The following MAGI2 variants were observed in gnomAD, a reference collection of about 807,000 sequenced individuals.
The protein encoded by MAGI2 is membrane-associated guanylate kinase, WW and PDZ domain-containing protein 2.
MAGI2 carries 35 observed loss-of-function variants against 133.3 expected under a neutral mutation model. The observed-to-expected ratio is 0.26, with a 90% CI of 0.20 to 0.35. The LOEUF (loss-of-function observed/expected upper bound fraction) is 0.35, where lower values mean the gene tolerates loss of function less well. MAGI2 is among the 10% of genes least tolerant of loss of function. The probability of loss-of-function intolerance (pLI) is 1.00; values close to 1 mark genes in which losing one functional copy is unlikely to be tolerated. For synonymous variants in MAGI2, 729 were observed against 710.6 expected (o/e 1.03, Z -0.41); for missense variants, 1,636 against 1,863.4 (o/e 0.88, Z 2.25).
intron 3 of MAGI2, among the ~76,000 whole-genome samples, chr7:78,556,391 C>A (rs1584618752): frequency 6.6e-6 from 1 of 152,150 alleles, no homozygotes; most frequent in East Asian, 1.9e-4. Context: ...CTGTTGGCAC[C>A]AACATGGGCT....
At chr7:78,787,577 A>T (rs911641186) in intron 2 of MAGI2, among the ~76,000 whole-genome samples, 8 of 152,188 alleles carry the variant, frequency 5.3e-5, no homozygotes, top group Non-Finnish European at 7.3e-5. Context: ...CAAGCCAGAT[A>T]AAAAAAGTAT....
intron 9 of MAGI2, among the ~76,000 whole-genome samples, chr7:78,332,025 A>T (rs1431326202): frequency 6.6e-6 from 1 of 152,220 alleles, no homozygotes; most frequent in Non-Finnish European, 1.5e-5. Context: ...CTAGAAAAAA[A>T]TGTGAAGTAG....
At chr7:78,899,716 T>C (rs1343301334) in intron 2 of MAGI2, among the ~76,000 whole-genome samples, 2 of 151,988 alleles carry the variant, frequency 1.3e-5, no homozygotes, top group African/African-American at 4.8e-5. Context: ...TAATCCAGAG[T>C]GGGGCTGAGT....
chr7:78,246,243 C>T (rs557214569), intron 10 of MAGI2, among the ~76,000 whole-genome samples: 1 of 152,292 alleles, frequency 6.6e-6, no homozygotes, highest in East Asian at 1.9e-4. Context: ...GAAACAGTGT[C>T]TTGGCTGTCC....
At chr7:78,672,280 T>TCTTG (rs1366931111) in intron 2 of MAGI2, among the ~76,000 whole-genome samples, 1 of 152,138 alleles carries the variant, frequency 6.6e-6, no homozygotes, top group African/African-American at 2.4e-5. Context: ...CCCCTCTCTC[T>TCTTG]CTTGCTCCCT....
chr7:79,298,181 C>A (rs1837095593), intron 1 of MAGI2, among the ~76,000 whole-genome samples: 2 of 152,108 alleles, frequency 1.3e-5, no homozygotes, highest in South Asian at 2.1e-4. Context: ...AATTACCTGT[C>A]AATTTTTCTT....
chr7:78,659,424 CAAAAAAAAAAAAA>C (rs71085553), intron 2 of MAGI2, among the ~76,000 whole-genome samples: 1 of 23,676 alleles, frequency 4.2e-5, no homozygotes, highest in African/African-American at 1.8e-4. Flanking sequence ...GACTTCATCT[CAAAAAAAAAAAAA>C]AAAAAAAAAA....
intron 16 of MAGI2, among the ~76,000 whole-genome samples, chr7:78,142,663 T>A (rs570396197): frequency 6.6e-6 from 1 of 152,144 alleles, no homozygotes; most frequent in Non-Finnish European, 1.5e-5. Flanking sequence ...TTAAGATAGA[T>A]CACGGTATTT....
intron 2 of MAGI2, chr7:78,939,751 A>G (rs981445407): frequency 1.3e-5 from 2 of 152,144 alleles, no homozygotes; most frequent in African/African-American, 4.8e-5. Context: ...ACAATAATAA[A>G]CAGTATCATG....
At chr7:78,134,499 G>A (rs1358883008) in intron 17 of MAGI2, 1 of 154,098 alleles carries the variant, frequency 6.5e-6, no homozygotes, top group Non-Finnish European at 1.4e-5. Flanking sequence ...GCCTCAGGGG[G>A]GAGTCCTTGT....
At chr7:79,190,052 A>T (rs1242693007) in intron 1 of MAGI2, among the ~76,000 whole-genome samples, 2 of 151,488 alleles carry the variant, frequency 1.3e-5, no homozygotes, top group Admixed American at 6.6e-5. Flanking sequence ...GTGGCTTTAA[A>T]TTTTTTTTGT....
chr7:78,773,049 G>A (rs1825716265), intron 2 of MAGI2, among the ~76,000 whole-genome samples: 1 of 152,106 alleles, frequency 6.6e-6, no homozygotes, highest in Non-Finnish European at 1.5e-5. Flanking sequence ...TTCCTTGAAT[G>A]TGCAAAATGT....
chr7:78,035,973 T>C (rs975745995), intron 21 of MAGI2, among the ~76,000 whole-genome samples: 2 of 152,210 alleles, frequency 1.3e-5, no homozygotes, highest in African/African-American at 4.8e-5. Context: ...GAATACAATG[T>C]GGTGAATATT....
intron 21 of MAGI2, among the ~76,000 whole-genome samples, chr7:78,069,827 T>C (rs577187871): frequency 5.3e-5 from 8 of 152,094 alleles, no homozygotes; most frequent in African/African-American, 1.9e-4. Context: ...GCAGCCCTCT[T>C]GCGGGAGAGC....
intron 2 of MAGI2, among the ~76,000 whole-genome samples, chr7:78,695,309 C>A (rs1397356288): frequency 6.6e-6 from 1 of 152,194 alleles, no homozygotes; most frequent in African/African-American, 2.4e-5. Context: ...ATAATCTTAG[C>A]CTGCCTTCCC....
chr7:78,206,088 A>C (rs1182084728), intron 10 of MAGI2, among the ~76,000 whole-genome samples: 1 of 152,168 alleles, frequency 6.6e-6, no homozygotes, highest in Non-Finnish European at 1.5e-5. Flanking sequence ...AGTAGATCTG[A>C]AGTGGAGATC....
Position 78,743,468 on chromosome 7 carries a change from G to T in MAGI2, c.419-116229C>A, listed in dbSNP as rs184381405. On this transcript the variant is annotated intron_variant, in intron 2 of 21. Coordinates refer to ENST00000354212, the MANE Select transcript of MAGI2 (RefSeq NM_012301.4). ...ATATCTTCCCTGGTACAGCCAGAAA[G>T]GGTTAAGTGTTCTTTCTTTTGTGCC... 2.6e-3 allele frequency among the ~76,000 whole-genome samples: 403 copies of T among 152,274 alleles called. 1 individual carries two copies. The highest frequency in any genetic ancestry group is 4.3e-3 in the Non-Finnish European group (290 of 68,014).
At chr7:78,612,892 G>A (rs959576751) in intron 3 of MAGI2, among the ~76,000 whole-genome samples, 1 of 151,968 alleles carries the variant, frequency 6.6e-6, no homozygotes, top group African/African-American at 2.4e-5. Flanking sequence ...GGATGGTCTC[G>A]ATCTCCTGAC....
At chr7:78,710,598 C>A (rs569449844) in intron 2 of MAGI2, among the ~76,000 whole-genome samples, 1 of 152,224 alleles carries the variant, frequency 6.6e-6, no homozygotes, top group South Asian at 2.1e-4. Context: ...GTACAATATC[C>A]TATTGATGAA....
Sources: allele counts gnomAD v4.1 joint callset (sites outside exome capture counted in the v4.1 genomes callset), GRCh38; gene constraint gnomAD v4.1.1; transcripts MANE v1.5; gene names NCBI Gene and HGNC (gene_info 2026-07-23, HGNC 2026-07-21).